Variants in KCNN2 observed in about 807,000 individuals in gnomAD.
KCNN2 encodes the protein potassium calcium-activated channel subfamily N member 2, also known as small conductance calcium-activated potassium channel protein 2.
KCNN2 carries 24 observed loss-of-function variants against 55.5 expected under a neutral mutation model. The ratio of observed to expected loss-of-function variants is 0.43; its 90% CI spans 0.31 to 0.61. The LOEUF (loss-of-function observed/expected upper bound fraction) is 0.61, where lower values mean the gene tolerates loss of function less well. Ranked by LOEUF, KCNN2 falls within the 20% of genes least tolerant of loss-of-function variation. KCNN2 has a pLI of 0.08. For missense variants in KCNN2, 754 were observed against 853.6 expected (o/e 0.88, Z 1.45); for synonymous variants, 431 against 336.1 (o/e 1.28, Z -3.09).
At chr5:114,229,511 T>G (rs1433195051) in intron 2 of KCNN2, among the ~76,000 whole-genome samples, 1 of 152,016 alleles carries the variant, frequency 6.6e-6, no homozygotes, top group Non-Finnish European at 1.5e-5. Flanking sequence ...TCTAAAAGTT[T>G]TTCCTTAAAA....
intron 1 of KCNN2, among the ~76,000 whole-genome samples, chr5:114,173,274 G>C (rs547343221): frequency 5.3e-5 from 8 of 152,008 alleles, no homozygotes; most frequent in African/African-American, 1.7e-4. Context: ...TCTCTATTCG[G>C]TTCCATTGAT....
intron 3 of KCNN2, among the ~76,000 whole-genome samples, chr5:114,414,257 CCTT>C (rs1417588232): frequency 6.6e-6 from 1 of 152,090 alleles, no homozygotes; most frequent in Non-Finnish European, 1.5e-5. Context: ...GATGGATCTG[CCTT>C]CTATTATAAT....
At chr5:114,087,401 T>C (rs1028998139) in intron 1 of KCNN2, among the ~76,000 whole-genome samples, 12 of 152,196 alleles carry the variant, frequency 7.9e-5, no homozygotes, top group African/African-American at 2.9e-4. Context: ...AGGATTCTTA[T>C]AGTTTGATGT....
At chr5:114,121,910 T>A (rs1168059962) in intron 1 of KCNN2, among the ~76,000 whole-genome samples, 1 of 152,220 alleles carries the variant, frequency 6.6e-6, no homozygotes, top group African/African-American at 2.4e-5. Flanking sequence ...ATGCCAGGAT[T>A]ATGTTCTTAA....
At chr5:114,150,687 T>A (rs1017290479) in intron 1 of KCNN2, among the ~76,000 whole-genome samples, 1 of 152,138 alleles carries the variant, frequency 6.6e-6, no homozygotes, top group African/African-American at 2.4e-5. Flanking sequence ...CAAATACCTG[T>A]ATCTTACAGG....
chr5:114,191,308 A>G (rs1256263571), intron 1 of KCNN2, among the ~76,000 whole-genome samples: 1 of 152,130 alleles, frequency 6.6e-6, no homozygotes, highest in Non-Finnish European at 1.5e-5. Flanking sequence ...TTTCACCCAG[A>G]GCATTCCCAT....
intron 3 of KCNN2, among the ~76,000 whole-genome samples, chr5:114,427,158 T>TCCAAGAGCACC (rs1759653675): frequency 1.3e-5 from 2 of 152,190 alleles, no homozygotes; most frequent in African/African-American, 4.8e-5. Flanking sequence ...CTTCTCCTCT[T>TCCAAGAGCACC]TCAAGAGCAA....
intron 2 of KCNN2, among the ~76,000 whole-genome samples, chr5:114,312,240 T>C (rs1756402536): frequency 6.6e-6 from 1 of 151,712 alleles, no homozygotes; most frequent in African/African-American, 2.4e-5. Flanking sequence ...TTCTTCCTGC[T>C]GCTGGCTTTT....
chr5:114,327,722 A>G (rs1218921714), intron 2 of KCNN2, among the ~76,000 whole-genome samples: 2 of 152,182 alleles, frequency 1.3e-5, no homozygotes, highest in African/African-American at 4.8e-5. Context: ...CTTCTGTGTT[A>G]TGTCCTCTTT....
intron 2 of KCNN2, among the ~76,000 whole-genome samples, chr5:114,386,739 G>T (rs1358970866): frequency 6.6e-6 from 1 of 152,190 alleles, no homozygotes; most frequent in Non-Finnish European, 1.5e-5. Context: ...AGGGGCAAGG[G>T]ATGCTGTAAG....
intron 1 of KCNN2, among the ~76,000 whole-genome samples, chr5:114,082,502 G>A (rs112099782): frequency 2.6e-5 from 4 of 152,146 alleles, no homozygotes; most frequent in African/African-American, 9.6e-5. Flanking sequence ...GATGTAAATT[G>A]GTATACCTAC....
intron 1 of KCNN2, among the ~76,000 whole-genome samples, chr5:114,105,772 C>A (rs192399286): frequency 6.6e-6 from 1 of 151,960 alleles, no homozygotes; most frequent in Non-Finnish European, 1.5e-5. Flanking sequence ...ATGTCTAATG[C>A]TGGACTGTGG....
intron 2 of KCNN2, among the ~76,000 whole-genome samples, chr5:114,315,085 G>C (rs1437497118): frequency 6.6e-6 from 1 of 152,034 alleles, no homozygotes; most frequent in African/African-American, 2.4e-5. Flanking sequence ...TCTTATATTG[G>C]GAGCAAACAG....
chr5:114,247,501 T>C (rs2112622686), intron 2 of KCNN2, among the ~76,000 whole-genome samples: 1 of 152,330 alleles, frequency 6.6e-6, no homozygotes, highest in East Asian at 1.9e-4. Flanking sequence ...CACTGTGTCA[T>C]GTTGAATAAT....
intron 1 of KCNN2, among the ~76,000 whole-genome samples, chr5:114,094,812 A>G (rs1157299277): frequency 1.3e-5 from 2 of 151,978 alleles, no homozygotes. Context: ...AATGTCATCT[A>G]TTTGCTTGGA....
intron 2 of KCNN2, among the ~76,000 whole-genome samples, chr5:114,284,056 G>A (rs1390287855): frequency 6.6e-6 from 1 of 152,156 alleles, no homozygotes; most frequent in Non-Finnish European, 1.5e-5. Context: ...GGTGACTTCA[G>A]GACCTTGAAC....
At chr5:114,076,909 G>A (rs1012773585) in intron 1 of KCNN2, among the ~76,000 whole-genome samples, 2 of 152,108 alleles carry the variant, frequency 1.3e-5, no homozygotes, top group South Asian at 4.1e-4. Flanking sequence ...TAGCCAGGAT[G>A]GTCTTGAACT....
intron 1 of KCNN2, among the ~76,000 whole-genome samples, chr5:114,215,789 A>T (rs1379757167): frequency 6.6e-6 from 1 of 152,050 alleles, no homozygotes; most frequent in African/African-American, 2.4e-5. Context: ...TCTGTAAATA[A>T]TTTTTTGAAG....
chr5:114,193,896 C>G (rs6875625), intron 1 of KCNN2, among the ~76,000 whole-genome samples: 54,240 of 151,872 alleles, frequency 0.36, 10,294 homozygotes, highest in East Asian at 0.74. Context: ...AATTCACATG[C>G]TGTACAATTT....
Sources: gnomAD v4.1 joint callset for allele counts (sites outside exome capture counted in the v4.1 genomes callset) on GRCh38, gnomAD v4.1.1 for gene constraint, MANE v1.5 for transcripts, NCBI Gene and HGNC (gene_info 2026-07-23, HGNC 2026-07-21) for gene names.